PVT1: variants seen among roughly 807,000 people sequenced by gnomAD.
PVT1 encodes CXCR4/PVT1 fusion.
chr8:128,064,858 AT>A (rs1813882761), intron 4 of PVT1, among the ~76,000 whole-genome samples: 1 of 152,230 alleles, frequency 6.6e-6, no homozygotes, highest in Admixed American at 6.5e-5. Context: ...TTAATGAAGG[AT>A]ATGAGTGCAA....
At chr8:128,027,607 A>G (rs1813327117) in intron 4 of PVT1, among the ~76,000 whole-genome samples, 1 of 152,174 alleles carries the variant, frequency 6.6e-6, no homozygotes, top group Non-Finnish European at 1.5e-5. Flanking sequence ...GCTCTGTGCC[A>G]TGTGACAAGT....
At chr8:127,869,961 G>C (rs1287428843) in intron 2 of PVT1, among the ~76,000 whole-genome samples, 1 of 152,052 alleles carries the variant, frequency 6.6e-6, no homozygotes, top group Non-Finnish European at 1.5e-5. Context: ...CCGCCACCAG[G>C]CTTGGCTATT....
intron 3 of PVT1, among the ~76,000 whole-genome samples, chr8:127,974,381 A>C (rs967877494): frequency 2.6e-5 from 4 of 152,034 alleles, no homozygotes; most frequent in Non-Finnish European, 5.9e-5. Context: ...AGTTTTCCCA[A>C]AAAAAGTCAG....
Position 127,862,692 on chromosome 8 carries a change from G to C in PVT1, n.373-27897G>C, listed in dbSNP as rs903847163. 6.6e-5 allele frequency among the ~76,000 whole-genome samples: 10 copies of C among 152,112 alleles called. No individual in the cohort carries two copies. The East Asian group carries it at 1.9e-3, about 29-fold the overall frequency. On this transcript the variant is annotated intron_variant and non_coding_transcript_variant, in intron 2 of 10. Transcript: ENST00000651587. ...GACTCCCCAGATGCTGGAATTATGG[G>C]TTGAGCCATAGCCTGCAGCAAACTC...
intron 3 of PVT1, among the ~76,000 whole-genome samples, chr8:127,940,790 C>T (rs947315238): frequency 1.7e-4 from 26 of 152,012 alleles, no homozygotes; most frequent in African/African-American, 5.1e-4. Context: ...TTTGTAGAGA[C>T]GAGGTCTCAC....
intron 2 of PVT1, among the ~76,000 whole-genome samples, chr8:127,800,220 G>A (rs1814447992): frequency 6.6e-6 from 1 of 152,052 alleles, no homozygotes; most frequent in Admixed American, 6.5e-5. Context: ...TGGTGCATTA[G>A]CCCTAACATT....
rs146427168 is a variant in PVT1, at chr8:127,819,687, C to T, written n.372+23616C>T. On this transcript the variant is annotated intron_variant and non_coding_transcript_variant, in intron 2 of 10. Coordinates refer to ENST00000651587, the Ensembl canonical transcript of PVT1. Reference sequence around the variant, plus strand: ...TCAGGCTACCCAGCCCTCGGGAGCTCACAGCAGAGCAGTTGGGGATGCCTT... The same window carrying T: ...TCAGGCTACCCAGCCCTCGGGAGCTTACAGCAGAGCAGTTGGGGATGCCTT... Among the ~76,000 whole-genome samples the T allele has an allele frequency of 1.1e-4, 17 of 152,268 alleles. No homozygotes were observed. In the East Asian group the frequency reaches 2.9e-3, roughly 26 times the overall value.
chr8:127,813,645 C>G (rs1364680025), intron 2 of PVT1, among the ~76,000 whole-genome samples: 1 of 152,196 alleles, frequency 6.6e-6, no homozygotes, highest in African/African-American at 2.4e-5. Context: ...CCTGGTGCCT[C>G]AGTTCCCTCA....
At chr8:127,870,618 T>A (rs1173796921) in intron 2 of PVT1, among the ~76,000 whole-genome samples, 1 of 152,150 alleles carries the variant, frequency 6.6e-6, no homozygotes, top group Non-Finnish European at 1.5e-5. Flanking sequence ...AAAGCTGAAG[T>A]ATCTGTAGAA....
intron 3 of PVT1, among the ~76,000 whole-genome samples, chr8:127,930,491 G>A (rs762974583): frequency 6.6e-6 from 1 of 152,108 alleles, no homozygotes; most frequent in Admixed American, 6.5e-5. Flanking sequence ...AAATAAACCC[G>A]GGTTTGAATT....
rs560976785 is a variant in PVT1 at position 127,887,931 on chromosome 8, GTTTTTTTTT to G, written n.373-2639_373-2631del. Reference sequence around the variant, plus strand: ...TGGATGCAGAATCTCACTCTATCTTGTTTTTTTTTTTTTTTTTTTTTTTTTTTGAGACTG... The same window carrying G: ...TGGATGCAGAATCTCACTCTATCTTGTTTTTTTTTTTTTTTTTTGAGACTG... On this transcript the variant is annotated intron_variant and non_coding_transcript_variant, in intron 2 of 10. Transcript: ENST00000651587. 1.4e-4 allele frequency among the ~76,000 whole-genome samples: 9 copies of G among 66,588 alleles called. No homozygotes were observed. In the East Asian group the frequency reaches 2.5e-3, roughly 19 times the overall value. The allele number at this position is 66,588 out of a possible 152,430, so 43.7% of individuals were successfully genotyped here. A position where few individuals can be genotyped will look rare whatever the true frequency, so the allele number is the denominator to read the frequency against.
chr8:127,911,494 C>T (rs1488088710), intron 3 of PVT1, among the ~76,000 whole-genome samples: 1 of 152,236 alleles, frequency 6.6e-6, no homozygotes, highest in Non-Finnish European at 1.5e-5. Flanking sequence ...AACTGATCCC[C>T]GTGGCCACTG....
chr8:127,813,551 C>G (rs907130447), intron 2 of PVT1, among the ~76,000 whole-genome samples: 1 of 152,158 alleles, frequency 6.6e-6, no homozygotes, highest in Non-Finnish European at 1.5e-5. Flanking sequence ...GACCCATGTC[C>G]GCTTTTGTCT....
At chr8:127,913,229 G>C (rs1041247377) in intron 3 of PVT1, among the ~76,000 whole-genome samples, 7 of 152,188 alleles carry the variant, frequency 4.6e-5, no homozygotes, top group Non-Finnish European at 7.3e-5. Context: ...CATGGTGCCT[G>C]TGCCTTCTGC....
chr8:127,875,866 C>T (rs1815399138), intron 2 of PVT1, among the ~76,000 whole-genome samples: 1 of 152,200 alleles, frequency 6.6e-6, no homozygotes, highest in African/African-American at 2.4e-5. Context: ...CCTTCTTCTC[C>T]CTTTCAGCAA....
intron 2 of PVT1, among the ~76,000 whole-genome samples, chr8:127,869,672 T>C (rs991924175): frequency 6.6e-6 from 1 of 152,210 alleles, no homozygotes; most frequent in African/African-American, 2.4e-5. Context: ...AGCTTGAGAA[T>C]GTTTGTCATT....
At chr8:127,909,923 G>T (rs2129842883) in intron 3 of PVT1, among the ~76,000 whole-genome samples, 1 of 152,182 alleles carries the variant, frequency 6.6e-6, no homozygotes, top group East Asian at 1.9e-4. Flanking sequence ...CCTTTTCTTG[G>T]TGGGGTGTTC....
At chr8:127,957,927 A>G (rs1287414345) in intron 3 of PVT1, among the ~76,000 whole-genome samples, 2 of 152,244 alleles carry the variant, frequency 1.3e-5, no homozygotes, top group Non-Finnish European at 2.9e-5. Flanking sequence ...CCTGTGTGAT[A>G]TGGGGACAGA....
At chr8:127,927,366 C>T (rs1478760781) in intron 3 of PVT1, among the ~76,000 whole-genome samples, 1 of 152,180 alleles carries the variant, frequency 6.6e-6, no homozygotes, top group African/African-American at 2.4e-5. Flanking sequence ...CCATCCAGGC[C>T]CGTTTCTGGT....
Sources: allele counts gnomAD v4.1 joint callset (sites outside exome capture counted in the v4.1 genomes callset), GRCh38; gene constraint gnomAD v4.1.1; transcripts MANE v1.5; gene names NCBI Gene and HGNC (gene_info 2026-07-23, HGNC 2026-07-21).